Variants in ADGRD1 observed in about 807,000 individuals in gnomAD.
ADGRD1 encodes the protein adhesion G protein-coupled receptor D1, also known as G-protein coupled receptor 133.
In ADGRD1, 77 loss-of-function variants were observed where a neutral mutation model predicts 113.4. The observed-to-expected ratio is 0.68, with a 90% CI of 0.57 to 0.82. ADGRD1 has a LOEUF of 0.82. ADGRD1 is among the 40% of genes least tolerant of loss of function. ADGRD1 has a pLI of 0.00. For missense variants in ADGRD1, 1,036 were observed against 1,139.1 expected, an observed-to-expected ratio of 0.91 and a Z score of 1.30; for synonymous variants, 474 against 475.0, an observed-to-expected ratio of 1.00 and a Z score of 0.03.
At chr12:130,983,124 C>T (rs929033669) in intron 5 of ADGRD1, among the ~76,000 whole-genome samples, 1 of 152,234 alleles carries the variant, frequency 6.6e-6, no homozygotes, top group Non-Finnish European at 1.5e-5. Context: ...CCTTCCCTAA[C>T]TGCCCTATGC....
chr12:131,067,625 CT>C (rs1163493468), intron 13 of ADGRD1, among the ~76,000 whole-genome samples: 1 of 141,092 alleles, frequency 7.1e-6, no homozygotes, highest in Non-Finnish European at 1.6e-5. Context: ...CGCTGTGCCC[CT>C]GATCCTTCTT....
chr12:131,138,978 G>A (rs553569970), intron 24 of ADGRD1, among the ~76,000 whole-genome samples, 190 bp from the exon 25 acceptor site: 18 of 152,278 alleles, frequency 1.2e-4, no homozygotes, highest in African/African-American at 3.8e-4. Flanking sequence ...AGAACCGTGC[G>A]GCTGGAGACG....
chr12:131,000,602 G>A (rs991570082), intron 9 of ADGRD1, among the ~76,000 whole-genome samples, 160 bp downstream of exon 9: 11 of 152,028 alleles, frequency 7.2e-5, no homozygotes, highest in South Asian at 6.2e-4. Context: ...TTAGCCAGGC[G>A]TGGTGGCGGG....
chr12:131,065,940 T>C (rs1328784462), intron 13 of ADGRD1, among the ~76,000 whole-genome samples: 1 of 152,132 alleles, frequency 6.6e-6, no homozygotes, highest in Non-Finnish European at 1.5e-5. Flanking sequence ...TTTGGGCCTC[T>C]CAGGAACGCT....
chr12:131,117,322 G>A (rs531266969), intron 18 of ADGRD1, among the ~76,000 whole-genome samples: 8 of 152,258 alleles, frequency 5.3e-5, no homozygotes, highest in African/African-American at 1.9e-4. Context: ...ACTTGAACTG[G>A]CTAAGGCAAA....
In ADGRD1 at chr12:130,984,196, T is replaced by C. The variant is rs1873351839; in HGVS notation, c.490+2133T>C. The stretch of plus-strand genomic sequence containing the variant: ...GAAAAATATTTGGAATGATTTACGA[T>C]CATTAGTTATGATTTTATTTTAAAA... On this transcript the variant is annotated intron_variant, in intron 5 of 24. Coordinates refer to ENST00000261654, the MANE Select transcript of ADGRD1 (RefSeq NM_198827.5). This position sits in a 1 kb window ranked among gnomAD's most constrained non-coding sequence, Gnocchi z 4.1. Among the ~76,000 whole-genome samples the C allele has an allele frequency of 6.6e-6, 1 of 152,204 alleles. No homozygotes were observed. Among genetic ancestry groups the C allele is most frequent in the Non-Finnish European group, 1.5e-5 (1 of 68,024 alleles).
chr12:131,041,840 C>T lies in ADGRD1; in HGVS notation c.1473+27500C>T, dbSNP rs915301134. On this transcript the variant is annotated intron_variant, in intron 13 of 24. Coordinates refer to ENST00000261654, the MANE Select transcript of ADGRD1 (RefSeq NM_198827.5). This position sits in a 1 kb window ranked among gnomAD's most constrained non-coding sequence, Gnocchi z 4.4. Reference sequence around the variant, plus strand: ...TTGCCCACGTCACATTCCCTCCCCACGGTCCTCCTTTCCTGGGTTATTTTT... The same window carrying T: ...TTGCCCACGTCACATTCCCTCCCCATGGTCCTCCTTTCCTGGGTTATTTTT... 5.9e-5 allele frequency among the ~76,000 whole-genome samples: 9 copies of T among 152,222 alleles called. No individual in the cohort carries two copies. Among genetic ancestry groups the T allele is most frequent in the African/African-American group, 9.6e-5 (4 of 41,468 alleles).
chr12:131,073,364 A>T (rs1373152340), intron 13 of ADGRD1, among the ~76,000 whole-genome samples: 3 of 152,196 alleles, frequency 2.0e-5, no homozygotes, highest in African/African-American at 7.2e-5. Context: ...CAAAGCCCTG[A>T]ACCCTGTTTA....
intron 13 of ADGRD1, chr12:131,026,737 C>G (rs1209230564): frequency 1.3e-5 from 2 of 152,212 alleles, no homozygotes; most frequent in Non-Finnish European, 1.5e-5. Context: ...GCAGCCCCTC[C>G]CCAGGTTTGA....
chr12:131,122,566 G>C (rs1428178981), intron 20 of ADGRD1, among the ~76,000 whole-genome samples: 1 of 152,190 alleles, frequency 6.6e-6, no homozygotes, highest in South Asian at 2.1e-4. Flanking sequence ...CTTTCAGAGC[G>C]GACTCCAGTC....
chr12:131,103,447 G>A (rs1398452349), intron 15 of ADGRD1, among the ~76,000 whole-genome samples: 1 of 152,268 alleles, frequency 6.6e-6, no homozygotes, highest in Non-Finnish European at 1.5e-5. Flanking sequence ...CAGGAATCTA[G>A]CACGTCTGTA....
At chr12:130,968,876 A>G in intron 3 of ADGRD1, 2 of 683,482 alleles carry the variant, frequency 2.9e-6, no homozygotes, top group East Asian at 5.5e-5. Flanking sequence ...TGGATGAAAG[A>G]GCCCCTCCTG....
rs188932216 is a variant in ADGRD1, at chr12:131,103,464, C to T, written c.1672-1367C>T. On this transcript the variant is annotated intron_variant, in intron 15 of 24. Transcript: ENST00000261654. ...GGAATCTAGCACGTCTGTAGCCCCTCGGGCGTGAGCCCACTCCGCTGTGAA... is the reference window on the plus strand; with the variant it reads ...GGAATCTAGCACGTCTGTAGCCCCTTGGGCGTGAGCCCACTCCGCTGTGAA... 1.2e-4 allele frequency among the ~76,000 whole-genome samples: 18 copies of T among 152,390 alleles called. No individual in the cohort carries two copies. The East Asian group carries it at 2.3e-3, about 20-fold the overall frequency.
chr12:131,006,792 G>C (rs1027021503), intron 12 of ADGRD1, among the ~76,000 whole-genome samples: 2 of 152,192 alleles, frequency 1.3e-5, no homozygotes, highest in African/African-American at 2.4e-5. Context: ...TTCTGCGTCA[G>C]ATTTCTTGGG....
intron 13 of ADGRD1, chr12:131,069,222 A>T (rs1344878793): frequency 1.3e-5 from 2 of 152,114 alleles, no homozygotes; most frequent in African/African-American, 2.4e-5. Flanking sequence ...CAGGCGGGGG[A>T]GCCAGTGGCT....
chr12:130,977,966 G>A lies in ADGRD1; in HGVS notation c.311-3918G>A, dbSNP rs754857437. 164 of 152,694 alleles carry A rather than the reference G, an allele frequency of 1.1e-3. 1 individual carries two copies. Among genetic ancestry groups the A allele is most frequent in the Non-Finnish European group, 1.9e-3 (126 of 68,082 alleles). 9.5% of individuals were successfully genotyped at this position (152,694 alleles called of 1,614,324 possible). A position where few individuals can be genotyped will look rare whatever the true frequency, so the allele number is the denominator to read the frequency against. On this transcript the variant is annotated intron_variant, in intron 4 of 24. Transcript: ENST00000261654. Reference sequence around the variant, plus strand: ...CAAACGCAGACTCCAGATCCAGGCTGCCTGGGTTCAAATCCTGACTCGTCC... The same window carrying A: ...CAAACGCAGACTCCAGATCCAGGCTACCTGGGTTCAAATCCTGACTCGTCC...
intron 15 of ADGRD1, among the ~76,000 whole-genome samples, chr12:131,095,120 C>G (rs1041929993): frequency 6.6e-6 from 1 of 152,192 alleles, no homozygotes. Context: ...TCCCTTCAGT[C>G]CCCCCGACTC....
chr12:131,011,355 C>T (rs1305884649), intron 12 of ADGRD1, among the ~76,000 whole-genome samples: 2 of 151,832 alleles, frequency 1.3e-5, no homozygotes, highest in East Asian at 1.9e-4. Context: ...GGAAACCACT[C>T]CAGATTTGCT....
chr12:131,084,419 G>A lies in ADGRD1; in HGVS notation c.1548-121G>A. ...CGGTCTGGGTGTGCATTCCTGGCGTGGCAGGTGTGGGCGCCGCCATGAGTT... is the reference window on the plus strand; with the variant it reads ...CGGTCTGGGTGTGCATTCCTGGCGTAGCAGGTGTGGGCGCCGCCATGAGTT... On this transcript the variant is annotated intron_variant, in intron 14 of 24. Transcript: ENST00000261654. The surrounding 1 kb of genome is among the most constrained non-coding windows in gnomAD (Gnocchi z 4.5). The A allele has an allele frequency of 1.0e-6, 1 of 1,003,366 alleles. No homozygotes were observed. The highest frequency in any genetic ancestry group is 1.5e-6 in the Non-Finnish European group (1 of 656,372). 62.2% of individuals were successfully genotyped at this position (1,003,366 alleles called of 1,614,324 possible).
Sources: allele counts gnomAD v4.1 joint callset (sites outside exome capture counted in the v4.1 genomes callset), GRCh38; gene constraint gnomAD v4.1.1; non-coding constraint Gnocchi (gnomAD v3.1); transcripts MANE v1.5; gene names NCBI Gene and HGNC (gene_info 2026-07-23, HGNC 2026-07-21).